CSMD2: variants seen among roughly 807,000 people sequenced by gnomAD.
The protein encoded by CSMD2 is CUB and Sushi multiple domains 2, also known as CUB and sushi domain-containing protein 2.
In CSMD2, 130 loss-of-function variants were observed where a neutral mutation model predicts 398.5. That is an observed-to-expected ratio of 0.33 (90% CI 0.28 to 0.38). The LOEUF is 0.38. Among genes scored for constraint, CSMD2 ranks in the 10% least tolerant of loss-of-function variants. The pLI, the probability that CSMD2 is intolerant of heterozygous loss-of-function variation, is 1.00. For missense variants in CSMD2, 3,829 were observed against 4,764.9 expected, an observed-to-expected ratio of 0.80 and a Z score of 5.78; for synonymous variants, 1,828 against 1,908.5, an observed-to-expected ratio of 0.96 and a Z score of 1.10.
chr1:34,112,147 A>G (rs757512503), intron 1 of CSMD2, among the ~76,000 whole-genome samples: 1 of 152,184 alleles, frequency 6.6e-6, no homozygotes, highest in Non-Finnish European at 1.5e-5. Flanking sequence ...AGTCTCTATA[A>G]AAGGAAACCC....
At chr1:33,912,562 G>A (rs1313700904) in intron 5 of CSMD2, among the ~76,000 whole-genome samples, 1 of 152,108 alleles carries the variant, frequency 6.6e-6, no homozygotes, top group Admixed American at 6.5e-5. Flanking sequence ...AAGGAGAGAA[G>A]AAGGCCCAAT....
intron 2 of CSMD2, among the ~76,000 whole-genome samples, chr1:34,073,810 T>C (rs1656010861): frequency 6.6e-6 from 1 of 152,164 alleles, no homozygotes; most frequent in South Asian, 2.1e-4. Context: ...TGTAAAGAAA[T>C]ACCTGAGATG....
chr1:33,659,844 T>A (rs1216674313), intron 26 of CSMD2, among the ~76,000 whole-genome samples: 2 of 152,248 alleles, frequency 1.3e-5, no homozygotes, highest in African/African-American at 4.8e-5. Flanking sequence ...CACGGCCATA[T>A]CTGGGCCTAT....
chr1:33,776,560 C>T (rs1651998188), intron 12 of CSMD2, among the ~76,000 whole-genome samples: 1 of 152,024 alleles, frequency 6.6e-6, no homozygotes, highest in African/African-American at 2.4e-5. Context: ...CCTCTGGGGC[C>T]CGCCGAGGGT....
At chr1:33,598,031 A>G (rs897426486) in intron 44 of CSMD2, among the ~76,000 whole-genome samples, 1 of 152,222 alleles carries the variant, frequency 6.6e-6, no homozygotes, top group Non-Finnish European at 1.5e-5. Flanking sequence ...ATTAAACAAC[A>G]TATTTTTGGA....
At chr1:33,667,793 T>C (rs948483291) in intron 25 of CSMD2, among the ~76,000 whole-genome samples, 1 of 152,128 alleles carries the variant, frequency 6.6e-6, no homozygotes, top group Non-Finnish European at 1.5e-5. Flanking sequence ...ACAATACAAG[T>C]TGGCAACGGA....
At chr1:33,724,417 C>T (rs1306609227) in intron 18 of CSMD2, 99 bp downstream of exon 18, 7 of 1,529,156 alleles carry the variant, frequency 4.6e-6, no homozygotes, top group South Asian at 2.3e-5. Context: ...GCCCAACCTT[C>T]GCTGATGGGG....
At chr1:33,645,786 A>C (rs1050922437) in intron 29 of CSMD2, among the ~76,000 whole-genome samples, 1 of 152,260 alleles carries the variant, frequency 6.6e-6, no homozygotes, top group African/African-American at 2.4e-5. Context: ...TGGAGGCTTC[A>C]AGAGGTTCAA....
intron 25 of CSMD2, among the ~76,000 whole-genome samples, chr1:33,664,997 T>C (rs1373868415): frequency 6.6e-6 from 1 of 152,124 alleles, no homozygotes; most frequent in African/African-American, 2.4e-5. Flanking sequence ...TTTACGAAAA[T>C]ACTCCCCCAT....
intron 52 of CSMD2, among the ~76,000 whole-genome samples, chr1:33,569,091 T>G (rs17361246): frequency 0.032 from 4,889 of 152,262 alleles, 120 homozygotes; most frequent in Middle Eastern, 0.061. Context: ...CTTCACTCAT[T>G]ATACAAAGGC....
At chr1:33,966,093 G>A (rs928230094) in intron 3 of CSMD2, among the ~76,000 whole-genome samples, 1 of 152,208 alleles carries the variant, frequency 6.6e-6, no homozygotes, top group Non-Finnish European at 1.5e-5. Flanking sequence ...CTTCCCGTAA[G>A]AAATGATGCA....
intron 5 of CSMD2, among the ~76,000 whole-genome samples, chr1:33,907,946 G>T (rs919481872): frequency 1.3e-5 from 2 of 152,154 alleles, no homozygotes; most frequent in African/African-American, 4.8e-5. Context: ...AATTAGCTGG[G>T]CATGGTGGCA....
intron 1 of CSMD2, among the ~76,000 whole-genome samples, chr1:34,123,653 A>G (rs1467665813): frequency 6.6e-6 from 1 of 152,078 alleles, no homozygotes; most frequent in Non-Finnish European, 1.5e-5. Flanking sequence ...ATGTGACTCT[A>G]TCATCAGGTA....
In CSMD2 at chr1:33,998,549, C is replaced by A. The variant is rs533718980; in HGVS notation, c.517+34045G>T. ...TTCGTTAACTTTGCTGCTTTTCTCA[C>A]GCAACGCTGCTCAGACTGCAGCCTG... On this transcript the variant is annotated intron_variant, in intron 3 of 70. Coordinates refer to ENST00000373381, the MANE Select transcript of CSMD2 (RefSeq NM_001281956.2). Among the ~76,000 whole-genome samples the A allele has an allele frequency of 3.9e-5, 6 of 152,332 alleles. No homozygotes were observed. The South Asian group carries it at 1.2e-3, about 32-fold the overall frequency.
At chr1:34,041,915 A>T (rs1651891639) in intron 2 of CSMD2, among the ~76,000 whole-genome samples, 1 of 152,186 alleles carries the variant, frequency 6.6e-6, no homozygotes, top group African/African-American at 2.4e-5. Context: ...CTCAAGTTCA[A>T]TCCAATTTTA....
At position 33,537,744 on chromosome 1, in the gene CSMD2, C is replaced by T; in HGVS notation, c.9632-135G>A. On this transcript the variant is annotated intron_variant, in intron 60 of 70. Transcript: ENST00000373381. This position sits in a 1 kb window ranked among gnomAD's most constrained non-coding sequence, Gnocchi z 4.6. ...TGAACTCTGGGAACCGGGGCAGCCC[C>T]AGGTAGGTGCTTCCACCTGCTGCGG... 2 of 866,638 alleles carry T rather than the reference C, an allele frequency of 2.3e-6. No individual in the cohort carries two copies. Among genetic ancestry groups the T allele is most frequent in the Non-Finnish European group, 3.4e-6 (2 of 595,866 alleles). 53.7% of individuals were successfully genotyped at this position (866,638 alleles called of 1,614,324 possible).
chr1:33,642,224 G>A (rs995957150), intron 29 of CSMD2, among the ~76,000 whole-genome samples: 4 of 151,828 alleles, frequency 2.6e-5, no homozygotes, highest in African/African-American at 9.7e-5. Flanking sequence ...ATGCATGCCT[G>A]TAATCCCAGC....
chr1:33,753,471 C>T (rs551370883), intron 13 of CSMD2, among the ~76,000 whole-genome samples: 13 of 152,366 alleles, frequency 8.5e-5, no homozygotes, highest in African/African-American at 3.1e-4. Context: ...GGGTGCACAG[C>T]ATGCAAGTAT....
At chr1:34,135,788 T>C (rs967876637) in intron 1 of CSMD2, among the ~76,000 whole-genome samples, 4 of 152,048 alleles carry the variant, frequency 2.6e-5, no homozygotes, top group African/African-American at 7.2e-5. Context: ...ATGTATATGA[T>C]ATATCTACAA....
Sources: allele counts gnomAD v4.1 joint callset (sites outside exome capture counted in the v4.1 genomes callset), GRCh38; gene constraint gnomAD v4.1.1; non-coding constraint Gnocchi (gnomAD v3.1); transcripts MANE v1.5; gene names NCBI Gene and HGNC (gene_info 2026-07-23, HGNC 2026-07-21).